SLC12A5: variants seen among roughly 807,000 people sequenced by gnomAD.
SLC12A5 encodes K-Cl cotransporter 2.
A neutral mutation model predicts 124.0 loss-of-function variants in SLC12A5; 18 were observed. The ratio of observed to expected loss-of-function variants is 0.15; its 90% confidence interval spans 0.10 to 0.22. The LOEUF (loss-of-function observed/expected upper bound fraction) is 0.22. Ranked by LOEUF, SLC12A5 falls within the 10% of genes least tolerant of loss-of-function variation. The pLI is 1.00. For missense variants in SLC12A5, 867 were observed against 1,478.7 expected, an observed-to-expected ratio of 0.59 and a Z score of 6.78; for synonymous variants, 589 against 568.0, an observed-to-expected ratio of 1.04 and a Z score of -0.53.
intron 1 of SLC12A5, chr20:46,022,013 G>A: frequency 8.7e-7 from 1 of 1,155,464 alleles, no homozygotes; most frequent in Non-Finnish European, 1.1e-6. Flanking sequence ...CCCTAGGCCT[G>A]AGAGGGGAAT....
intron 1 of SLC12A5, among the ~76,000 whole-genome samples, chr20:46,030,675 C>T (rs1390995333): frequency 1.3e-5 from 2 of 152,226 alleles, no homozygotes; most frequent in Non-Finnish European, 2.9e-5. Flanking sequence ...GCGCCTAGGG[C>T]TGAAAGAGCA....
intron 17 of SLC12A5, among the ~76,000 whole-genome samples, chr20:46,051,469 A>G (rs754880382): frequency 7.9e-5 from 12 of 152,088 alleles, no homozygotes; most frequent in Non-Finnish European, 1.5e-4. Context: ...GATCATGAAG[A>G]GCCTTGATTG....
intron 20 of SLC12A5, 140 bp from the exon 21 acceptor site, chr20:46,054,776 G>A: frequency 1.6e-6 from 1 of 619,208 alleles, no homozygotes; most frequent in South Asian, 2.0e-5. Flanking sequence ...CAAAATTAAT[G>A]ATTGGGTAGG....
At chr20:46,023,481 AC>A (rs1435644520) in exon 3 of SLC12A5, 1 of 398,736 alleles carries the variant, frequency 2.5e-6, no homozygotes, top group Non-Finnish European at 4.4e-6. Context: ...TCACATGGCC[AC>A]GACCACATCC....
intron 6 of SLC12A5, among the ~76,000 whole-genome samples, chr20:46,037,683 C>G (rs989007963): frequency 3.3e-5 from 5 of 152,182 alleles, no homozygotes; most frequent in African/African-American, 1.2e-4. Context: ...TATTATGATG[C>G]CCATTTTACA....
At chr20:46,047,935 C>T (rs1178038142) in intron 15 of SLC12A5, 46 bp from the exon 16 acceptor site, 2 of 1,534,258 alleles carry the variant, frequency 1.3e-6, no homozygotes, top group Non-Finnish European at 1.8e-6. Context: ...TCTCCCTGCC[C>T]CCTCCTGGCT....
rs1055581964 is a variant in SLC12A5, at chr20:46,059,297, G to A, written c.*1692G>A. ...TTCCTTTGAGCCCAAGGCAGAGCTGGAGCTGGCGCCACCCAGACAGCGTCA... is the reference window on the plus strand; with the variant it reads ...TTCCTTTGAGCCCAAGGCAGAGCTGAAGCTGGCGCCACCCAGACAGCGTCA... On this transcript the variant is annotated 3_prime_UTR_variant, in exon 26 of 26. Transcript: ENST00000243964. 4 of 341,584 alleles carry A rather than the reference G, an allele frequency of 1.2e-5. No individual in the cohort carries two copies. The highest frequency in any genetic ancestry group is 4.8e-5 in the Admixed American group (1 of 20,854). The allele number at this position is 341,584 out of a possible 1,614,324, so 21.2% of individuals were successfully genotyped here. A position where few individuals can be genotyped will look rare whatever the true frequency, so the allele number is the denominator to read the frequency against.
intron 1 of SLC12A5, 39 bp downstream of exon 1, chr20:46,029,435 G>T: frequency 6.5e-7 from 1 of 1,541,726 alleles, no homozygotes; most frequent in Non-Finnish European, 8.8e-7. Context: ...AGGGGGCAGC[G>T]AGGAGAGGAG....
chr20:46,052,384 A>T (rs961668179), intron 18 of SLC12A5, among the ~76,000 whole-genome samples: 1 of 152,216 alleles, frequency 6.6e-6, no homozygotes, highest in Non-Finnish European at 1.5e-5. Flanking sequence ...TTTGATGTGA[A>T]ACTGAGGCAC....
chr20:46,054,177 T>C (rs1403282506), intron 20 of SLC12A5, among the ~76,000 whole-genome samples: 2 of 152,232 alleles, frequency 1.3e-5, no homozygotes, highest in African/African-American at 2.4e-5. Context: ...TACAGACTTA[T>C]ACAGCATGTT....
chr20:46,057,439 C>T lies in SLC12A5; in HGVS notation c.3260-75C>T, dbSNP rs1201844445. On this transcript the variant is annotated intron_variant, in intron 25 of 25. Transcript: ENST00000243964. This position sits in a 1 kb window ranked among gnomAD's most constrained non-coding sequence, Gnocchi z 7.1. Reference sequence around the variant, plus strand: ...GACAGGGACACGGGCGCGAGAGGTCCCCTGGCAGCCGAGCGCGACCCCAAT... The same window carrying T: ...GACAGGGACACGGGCGCGAGAGGTCTCCTGGCAGCCGAGCGCGACCCCAAT... The T allele has an allele frequency of 1.2e-6, 2 of 1,601,276 alleles. No homozygotes were observed. The highest frequency in any genetic ancestry group is 1.7e-6 in the Non-Finnish European group (2 of 1,168,500).
Position 46,059,083 on chromosome 20 carries a change from G to A in SLC12A5, c.*1478G>A, listed in dbSNP as rs1404414259. On this transcript the variant is annotated 3_prime_UTR_variant, in exon 26 of 26. Transcript: ENST00000243964. ...GGCGTGCTCTGTCCTTAGAGAAGGC[G>A]CGGTGGCCGGGTTCCCTTCCCCTAG... is the stretch of plus-strand genomic sequence containing the variant. 1 of 245,532 alleles carries A rather than the reference G, an allele frequency of 4.1e-6. No individual in the cohort carries two copies. Among genetic ancestry groups the A allele is most frequent in the East Asian group, 7.5e-5 (1 of 13,308 alleles). The allele number at this position is 245,532 out of a possible 1,614,324, so 15.2% of individuals were successfully genotyped here.
chr20:46,023,403 C>T, exon 3 of SLC12A5: 1 of 398,858 alleles, frequency 2.5e-6, no homozygotes, highest in Non-Finnish European at 4.4e-6. Context: ...TGGCCATTCA[C>T]CTCTGAAACT....
At chr20:46,022,565 C>T in intron 1 of SLC12A5, 1 of 334,130 alleles carries the variant, frequency 3.0e-6, no homozygotes, top group Non-Finnish European at 5.4e-6. Context: ...GGGAAGGAGA[C>T]GGGAGGCAGG....
At chr20:46,055,057 A>G in intron 21 of SLC12A5, 34 bp downstream of exon 21, 1 of 1,533,650 alleles carries the variant, frequency 6.5e-7, no homozygotes, top group Non-Finnish European at 9.0e-7. Context: ...TGAGAGCCTC[A>G]AACTGCTGCC....
rs200191107 is a variant in SLC12A5, at chr20:46,053,018, G to A, written c.2439G>A (p.Met813Ile). 390 of 1,614,068 alleles carry A rather than the reference G, an allele frequency of 2.4e-4. 1 individual carries two copies. Among genetic ancestry groups the A allele is most frequent in the Non-Finnish European group, 3.1e-4 (365 of 1,180,020 alleles). The change falls in exon 19 of 26, where the codon ATG becomes ATA. Residue 813 changes from methionine to isoleucine, a missense_variant. Around this residue, in one of 9 missense-constraint regions of SLC12A5, gnomAD observed 110 missense variants for 149.9 expected, o/e 0.73. Transcript: ENST00000243964. This position sits in a 1 kb window ranked among gnomAD's most constrained non-coding sequence, Gnocchi z 4.7. ...LALLVTKNVS[M>I]FPGNPERFSE... is the part of the protein sequence containing the mutation. ...TGCTGGTCACCAAGAACGTTTCCAT[G>A]TTTCCTGGGAACCCTGAGCGCTTCT...
chr20:46,059,661 A>T lies in SLC12A5; in HGVS notation c.*2056A>T, dbSNP rs1445288914. 1 of 398,980 alleles carries T rather than the reference A, an allele frequency of 2.5e-6. No individual in the cohort carries two copies. The highest frequency in any genetic ancestry group is 4.4e-6 in the Non-Finnish European group (1 of 226,054). The allele number at this position is 398,980 out of a possible 1,614,324, so 24.7% of individuals were successfully genotyped here. On this transcript the variant is annotated 3_prime_UTR_variant, in exon 26 of 26. Transcript: ENST00000243964. ...AACAGACATCCCACAACAAAAACCC[A>T]AGTTTTCTGTGCTACATGTGCAATA...
upstream of SLC12A5, among the ~76,000 whole-genome samples, chr20:46,024,779 G>A (rs2084382850): frequency 6.6e-6 from 1 of 152,246 alleles, no homozygotes; most frequent in East Asian, 1.9e-4. Flanking sequence ...CACCTCACTT[G>A]CTTCACCTGT....
rs2084607205 is a variant in SLC12A5 at position 46,047,588 on chromosome 20, T to G, written c.1907+15T>G. The G allele has an allele frequency of 3.8e-6, 6 of 1,585,280 alleles. No individual in the cohort carries two copies. Among genetic ancestry groups the G allele is most frequent in the Admixed American group, 3.4e-5 (2 of 58,380 alleles). ...GAGTACCGTGGGTGAGTGTGGGGAG[T>G]GGAGGTTGGGGTGGCTGGGGAAGGC... On this transcript the variant is annotated intron_variant, in intron 15 of 25. Coordinates refer to ENST00000243964, the MANE Select transcript of SLC12A5 (RefSeq NM_020708.5).
Sources: allele counts gnomAD v4.1 joint callset (sites outside exome capture counted in the v4.1 genomes callset), GRCh38; gene constraint gnomAD v4.1.1; regional missense constraint gnomAD v4.1.1; non-coding constraint Gnocchi (gnomAD v3.1); transcripts MANE v1.5; gene names NCBI Gene and HGNC (gene_info 2026-07-23, HGNC 2026-07-21).